PROSER1: variants seen among roughly 807,000 people sequenced by gnomAD.
PROSER1 encodes proline and serine rich 1.
In PROSER1, 36 loss-of-function variants were observed where a neutral mutation model predicts 71.8. The observed-to-expected ratio is 0.50, with a 90% confidence interval of 0.38 to 0.66. The LOEUF (loss-of-function observed/expected upper bound fraction) is 0.66, where lower values mean the gene tolerates loss of function less well. PROSER1 is among the 30% of genes least tolerant of loss of function. PROSER1 has a pLI of 0.00. For missense variants in PROSER1, 1,107 were observed against 1,135.0 expected, an observed-to-expected ratio of 0.98 and a Z score of 0.35; for synonymous variants, 490 against 452.4, an observed-to-expected ratio of 1.08 and a Z score of -1.06.
intron 5 of PROSER1, 23 bp from the exon 6 acceptor site, chr13:39,026,410 G>T: frequency 6.6e-7 from 1 of 1,506,074 alleles, no homozygotes; most frequent in Non-Finnish European, 9.1e-7. Flanking sequence ...AAAGAAGAGG[G>T]GTAGGAAAAA....
At chr13:39,025,339 A>C (rs1156746693) in intron 6 of PROSER1, among the ~76,000 whole-genome samples, 1 of 152,190 alleles carries the variant, frequency 6.6e-6, no homozygotes, top group Non-Finnish European at 1.5e-5. Context: ...CTAGTGTGGA[A>C]GCCAACTCCC....
chr13:39,034,877 G>T (rs975417109), intron 1 of PROSER1, among the ~76,000 whole-genome samples: 1 of 152,202 alleles, frequency 6.6e-6, no homozygotes, highest in Non-Finnish European at 1.5e-5. Context: ...AGTAAGTGAT[G>T]GTTCCTTTCC....
chr13:39,019,013 T>C (rs1870153273), intron 9 of PROSER1, among the ~76,000 whole-genome samples: 1 of 152,150 alleles, frequency 6.6e-6, no homozygotes, highest in Admixed American at 6.5e-5. Context: ...CATCCACAAC[T>C]CTATACATGT....
At chr13:39,025,263 G>A (rs1028343758) in intron 6 of PROSER1, among the ~76,000 whole-genome samples, 1 of 152,190 alleles carries the variant, frequency 6.6e-6, no homozygotes, top group East Asian at 1.9e-4. Flanking sequence ...TAACAGATCA[G>A]AATAAGTTGA....
Position 39,011,588 on chromosome 13 carries a change from A to G in PROSER1, c.2713-101T>C, listed in dbSNP as rs898565506. 7.3e-6 allele frequency: 9 copies of G among 1,234,538 alleles called. No homozygotes were observed. In the African/African-American group the frequency reaches 1.4e-4, roughly 19 times the overall value. The allele number at this position is 1,234,538 out of a possible 1,614,324, so 76.5% of individuals were successfully genotyped here. A position where few individuals can be genotyped will look rare whatever the true frequency, so the allele number is the denominator to read the frequency against. On this transcript the variant is annotated intron_variant, in intron 12 of 12. Coordinates refer to ENST00000352251, the MANE Select transcript of PROSER1 (RefSeq NM_025138.5). Reference sequence around the variant, plus strand: ...CACAGAGATATTCAGAATAGGAAAGAAAGACAAGACAAAACTCTGAGGCAC... The same window carrying G: ...CACAGAGATATTCAGAATAGGAAAGGAAGACAAGACAAAACTCTGAGGCAC...
intron 9 of PROSER1, among the ~76,000 whole-genome samples, chr13:39,021,935 G>A (rs973399706): frequency 6.6e-6 from 1 of 152,122 alleles, no homozygotes; most frequent in Non-Finnish European, 1.5e-5. Flanking sequence ...TATAAAAAAT[G>A]TGCAATTGAG....
In PROSER1 at chr13:39,037,475, G is replaced by C. The variant is rs1871176878; in HGVS notation, c.-233C>G. The C allele has an allele frequency of 4.0e-6, 2 of 505,456 alleles. No individual in the cohort carries two copies. Among genetic ancestry groups the C allele is most frequent in the Admixed American group, 6.8e-5 (2 of 29,408 alleles). The allele number at this position is 505,456 out of a possible 1,614,324, so 31.3% of individuals were successfully genotyped here. ...TAAAAAGAAAAAACACTCCAGTCAG[G>C]CTTCCCCAGCTTATTCACACAATGG... On this transcript the variant is annotated 5_prime_UTR_variant, in exon 1 of 13. Coordinates refer to ENST00000352251, the MANE Select transcript of PROSER1 (RefSeq NM_025138.5).
intron 5 of PROSER1, 43 bp from the exon 6 acceptor site, chr13:39,026,430 A>G: frequency 7.7e-7 from 1 of 1,300,086 alleles, no homozygotes; most frequent in Non-Finnish European, 1.1e-6. Flanking sequence ...AAATTCTTAA[A>G]AGATAAGTAT....
At chr13:39,034,109 T>C (rs1408390727) in intron 2 of PROSER1, 22 bp downstream of exon 2, 4 of 1,518,092 alleles carry the variant, frequency 2.6e-6, no homozygotes, top group Non-Finnish European at 3.5e-6. Flanking sequence ...AAAGCTTTGT[T>C]TAAACAAATA....
At chr13:39,037,154 GA>G (rs760113673) in intron 1 of PROSER1, 43 bp downstream of exon 1, 14 of 1,409,502 alleles carry the variant, frequency 9.9e-6, no homozygotes, top group African/African-American at 1.4e-5. Context: ...TCTAAAACAC[GA>G]GAATTCATCT....
In PROSER1 at chr13:39,014,167, A is replaced by C. The variant is rs1240912353; in HGVS notation, c.1085T>G (p.Phe362Cys). The C allele has an allele frequency of 6.2e-7, 1 of 1,614,208 alleles. No homozygotes were observed. Among genetic ancestry groups the C allele is most frequent in the East Asian group, 2.2e-5 (1 of 44,878 alleles). ...ACCTGGCAGTGACACTAGGCCAGAA[A>C]AAATGGAAGGAACAGGAGTGGTGGT... ...STTTTPVPSI[F>C]SGLVSLPGPS... The change falls in exon 11 of 13, where the codon TTT becomes TGT. Residue 362 changes from phenylalanine (F) to cysteine (C), a missense_variant. Transcript: ENST00000352251.
chr13:39,012,739 G>A lies in PROSER1; in HGVS notation c.2513C>T (p.Ala838Val). The A allele has an allele frequency of 6.2e-7, 1 of 1,609,818 alleles. No homozygotes were observed. The highest frequency in any genetic ancestry group is 8.5e-7 in the Non-Finnish European group (1 of 1,177,840). Residue 838 changes from alanine to valine, a missense_variant, in exon 11 of 13, where the codon GCC becomes GTC. Transcript: ENST00000352251. Reference protein sequence around the residue: ...PSPAPVLPGFASAFSSNFNSA... With the variant: ...PSPAPVLPGFVSAFSSNFNSA... ...GTTGAAATTGGAACTGAATGCTGAG[G>A]CGAATCCTGGGAGGACTGGAGCTGG...
rs1869625312 is a variant in PROSER1 at position 39,011,127 on chromosome 13, G to A, written c.*238C>T. On this transcript the variant is annotated 3_prime_UTR_variant, in exon 13 of 13. Coordinates refer to ENST00000352251, the MANE Select transcript of PROSER1 (RefSeq NM_025138.5). ...CAAAATTTTATAGGACAGGTGAAAA[G>A]TCTCCAAACACTTTTTAAATACCAT... The A allele has an allele frequency of 2.2e-6, 1 of 445,038 alleles. No homozygotes were observed. Among genetic ancestry groups the A allele is most frequent in the African/African-American group, 2.0e-5 (1 of 49,508 alleles). The allele number at this position is 445,038 out of a possible 1,614,324, so 27.6% of individuals were successfully genotyped here.
intron 4 of PROSER1, among the ~76,000 whole-genome samples, chr13:39,028,746 A>T (rs1053060495): frequency 6.6e-6 from 1 of 152,288 alleles, no homozygotes; most frequent in Non-Finnish European, 1.5e-5. Context: ...TGTGTTACAA[A>T]TAAATAACTT....
At chr13:39,022,439 A>T (rs777904163) in intron 8 of PROSER1, 27 bp from the exon 9 acceptor site, 18 of 1,495,816 alleles carry the variant, frequency 1.2e-5, no homozygotes, top group Admixed American at 3.3e-5. Flanking sequence ...ATAGAAAAAA[A>T]TATACCTTAG....
chr13:39,037,383 G>A lies in PROSER1; in HGVS notation c.-141C>T, dbSNP rs549942858. ...CACGAGCAAGAGAGGATGCGAAGAG[G>A]TAGAGAGTATTGCAAACTTCGCAAA... On this transcript the variant is annotated 5_prime_UTR_variant, in exon 1 of 13. Transcript: ENST00000352251. The A allele has an allele frequency of 2.8e-3, 1,870 of 670,678 alleles. 3 individuals carry two copies. Among genetic ancestry groups the A allele is most frequent in the Non-Finnish European group, 4.1e-3 (1,545 of 375,812 alleles). The allele number at this position is 670,678 out of a possible 1,614,324, so 41.5% of individuals were successfully genotyped here.
At chr13:39,011,738 G>A (rs1034875702) in intron 12 of PROSER1, among the ~76,000 whole-genome samples, 2 of 152,200 alleles carry the variant, frequency 1.3e-5, no homozygotes, top group African/African-American at 2.4e-5. Context: ...GTTTTCTACA[G>A]ATAATGTGCT....
At position 39,025,808 on chromosome 13, in the gene PROSER1, C is replaced by T. The variant is rs377461722; in HGVS notation, c.480+469G>A. The stretch of plus-strand genomic sequence containing the variant: ...AGTAAGCTGTGGGGTTGTTATGCAG[C>T]TACAGAAATATAACATTCTTTGAGA... On this transcript the variant is annotated intron_variant, in intron 6 of 12. Transcript: ENST00000352251. 2.6e-4 allele frequency among the ~76,000 whole-genome samples: 39 copies of T among 152,246 alleles called. No homozygotes were observed. In the East Asian group the frequency reaches 7.1e-3, roughly 28 times the overall value.
intron 7 of PROSER1, 56 bp from the exon 8 acceptor site, chr13:39,023,186 G>A (rs1870382690): frequency 7.5e-7 from 1 of 1,335,658 alleles, no homozygotes; most frequent in African/African-American, 1.4e-5. Flanking sequence ...GCTGTCTCCT[G>A]GCAACTTGTC....
Sources: allele counts gnomAD v4.1 joint callset (sites outside exome capture counted in the v4.1 genomes callset), GRCh38; gene constraint gnomAD v4.1.1; transcripts MANE v1.5; gene names NCBI Gene and HGNC (gene_info 2026-07-23, HGNC 2026-07-21).